RBFOX2: variants seen among roughly 807,000 people sequenced by gnomAD.
RBFOX2 encodes the protein RNA binding protein fox-1 homolog 2.
Under a neutral mutation model 49.1 loss-of-function variants are expected in RBFOX2, and 10 were observed. The ratio of observed to expected loss-of-function variants is 0.20; its 90% CI spans 0.13 to 0.35. The LOEUF is 0.35. RBFOX2 is among the 10% of genes least tolerant of loss of function. The probability of loss-of-function intolerance (pLI) is 1.00; values close to 1 mark genes in which losing one functional copy is unlikely to be tolerated. For missense variants in RBFOX2, 323 were observed against 486.9 expected (o/e 0.66, Z 3.17); for synonymous variants, 183 against 187.4 (o/e 0.98, Z 0.19).
chr22:35,812,661 T>C (rs1226945627), intron 1 of RBFOX2, among the ~76,000 whole-genome samples: 1 of 152,216 alleles, frequency 6.6e-6, no homozygotes, highest in African/African-American at 2.4e-5. Context: ...CAGGCATAAA[T>C]ATAATCTCAC....
At chr22:35,902,629 A>C (rs1255359339) in intron 1 of RBFOX2, among the ~76,000 whole-genome samples, 1 of 151,708 alleles carries the variant, frequency 6.6e-6, no homozygotes, top group Non-Finnish European at 1.5e-5. Flanking sequence ...ACTCTCAGCT[A>C]ATTTTCTTAT....
chr22:35,839,237 G>A (rs1958261445), intron 1 of RBFOX2, among the ~76,000 whole-genome samples: 1 of 152,200 alleles, frequency 6.6e-6, no homozygotes, highest in African/African-American at 2.4e-5. Context: ...AAGGAAAAAG[G>A]GTAATGGAGC....
chr22:35,794,528 G>A (rs9607284), intron 2 of RBFOX2, among the ~76,000 whole-genome samples: 21,228 of 151,710 alleles, frequency 0.14, 2,010 homozygotes, highest in East Asian at 0.3. Context: ...CGTGGTGGTG[G>A]GCACCTGTGG....
intron 2 of RBFOX2, among the ~76,000 whole-genome samples, chr22:35,795,713 G>C (rs1384678699): frequency 6.7e-6 from 1 of 149,134 alleles, no homozygotes; most frequent in Non-Finnish European, 1.5e-5. Flanking sequence ...AAAATCTACA[G>C]CTGACTAATA....
rs567413278 is a variant in RBFOX2 at position 35,979,024 on chromosome 22, T to A, written c.187-40127A>T. 2.6e-5 allele frequency among the ~76,000 whole-genome samples: 4 copies of A among 152,212 alleles called. No homozygotes were observed. In the East Asian group the frequency reaches 5.8e-4, roughly 22 times the overall value. On this transcript the variant is annotated intron_variant, in intron 1 of 13. Coordinates refer to the RBFOX2 transcript ENST00000438146. ...CTGATGTGGAGAAACCTGGCAGACA[T>A]CAGCTTAACCAGCTGTTCAAGGTTA...
intron 2 of RBFOX2, among the ~76,000 whole-genome samples, chr22:35,798,448 T>C (rs891166543): frequency 1.3e-5 from 2 of 152,242 alleles, no homozygotes; most frequent in African/African-American, 2.4e-5. Flanking sequence ...CCAGATAACC[T>C]GTATTTAAAT....
At chr22:36,012,257 A>C (rs1424225870) in intron 1 of RBFOX2, among the ~76,000 whole-genome samples, 1 of 152,168 alleles carries the variant, frequency 6.6e-6, no homozygotes. Flanking sequence ...TTTCAGTCTT[A>C]AGGGCCATGA....
At chr22:35,946,225 T>C (rs533227199) in intron 1 of RBFOX2, among the ~76,000 whole-genome samples, 4 of 152,290 alleles carry the variant, frequency 2.6e-5, no homozygotes, top group African/African-American at 7.2e-5. Flanking sequence ...TAGGTAGGTA[T>C]GAAAGAGAAC....
At chr22:36,001,302 G>C (rs947507022) in intron 1 of RBFOX2, among the ~76,000 whole-genome samples, 1 of 151,228 alleles carries the variant, frequency 6.6e-6, no homozygotes, top group Non-Finnish European at 1.5e-5. Context: ...GTGACAAGCT[G>C]AATGGGAAAC....
intron 1 of RBFOX2, among the ~76,000 whole-genome samples, chr22:35,929,904 G>A (rs2052157356): frequency 6.6e-6 from 1 of 151,960 alleles, no homozygotes; most frequent in Non-Finnish European, 1.5e-5. Flanking sequence ...TGGGGAATGA[G>A]GGAAATGTAC....
intron 1 of RBFOX2, among the ~76,000 whole-genome samples, chr22:35,870,512 T>C (rs879622503): frequency 1.3e-5 from 2 of 152,094 alleles, no homozygotes; most frequent in Non-Finnish European, 2.9e-5. Flanking sequence ...TAAAAAGTCA[T>C]GTGATAATCA....
chr22:35,774,545 G>A (rs1264556182), intron 4 of RBFOX2, among the ~76,000 whole-genome samples: 3 of 152,062 alleles, frequency 2.0e-5, no homozygotes, highest in Non-Finnish European at 4.4e-5. Flanking sequence ...AAATTCACAT[G>A]AAATAATTTA....
chr22:35,751,521 CTTTA>C (rs1322867529), intron 9 of RBFOX2, among the ~76,000 whole-genome samples: 1 of 152,142 alleles, frequency 6.6e-6, no homozygotes, highest in Non-Finnish European at 1.5e-5. Flanking sequence ...CCAGGAATCA[CTTTA>C]TTTATCCTTG....
intron 1 of RBFOX2, among the ~76,000 whole-genome samples, chr22:35,901,810 G>A (rs567746025): frequency 9.9e-5 from 15 of 152,142 alleles, no homozygotes; most frequent in Middle Eastern, 3.4e-3. Context: ...GGCTGGGCGC[G>A]GTGACTCACA....
At chr22:35,894,026 G>C (rs2047554611) in intron 1 of RBFOX2, among the ~76,000 whole-genome samples, 1 of 151,978 alleles carries the variant, frequency 6.6e-6, no homozygotes, top group African/African-American at 2.4e-5. Context: ...GGCGGCTTGG[G>C]GGAGCAGTTT....
intron 1 of RBFOX2, chr22:35,897,281 G>T: frequency 1.3e-6 from 2 of 1,509,152 alleles, no homozygotes; most frequent in Non-Finnish European, 1.8e-6. Flanking sequence ...TGACGGTCTT[G>T]GCCAGCTTCA....
intron 1 of RBFOX2, among the ~76,000 whole-genome samples, chr22:35,916,781 C>T (rs2050468265): frequency 6.6e-6 from 1 of 151,704 alleles, no homozygotes; most frequent in Non-Finnish European, 1.5e-5. Context: ...GTAATCCCAG[C>T]TACTGGGGAA....
chr22:35,925,566 G>C (rs751405403), intron 1 of RBFOX2, among the ~76,000 whole-genome samples: 46 of 152,174 alleles, frequency 3.0e-4, no homozygotes, highest in Admixed American at 1.1e-3. Flanking sequence ...CTGGGACACT[G>C]AGTCAGCTCG....
chr22:35,918,445 A>G (rs77779923), intron 1 of RBFOX2, among the ~76,000 whole-genome samples: 1 of 152,352 alleles, frequency 6.6e-6, no homozygotes, highest in African/African-American at 2.4e-5. Context: ...CAGGGGCCCT[A>G]GAGTCAGCAT....
Sources: gnomAD v4.1 joint callset for allele counts (sites outside exome capture counted in the v4.1 genomes callset) on GRCh38, gnomAD v4.1.1 for gene constraint, MANE v1.5 for transcripts, NCBI Gene and HGNC (gene_info 2026-07-23, HGNC 2026-07-21) for gene names.